CA12: variants seen among roughly 807,000 people sequenced by gnomAD.
CA12 encodes carbonic anhydrase 12.
A neutral mutation model predicts 46.8 loss-of-function variants in CA12; 36 were observed. The observed-to-expected ratio is 0.77, with a 90% CI of 0.59 to 1.02. The LOEUF (loss-of-function observed/expected upper bound fraction) is 1.02, where lower values mean the gene tolerates loss of function less well. Ranked by LOEUF, CA12 falls within the 50% of genes least tolerant of loss-of-function variation. CA12 has a pLI of 0.00. For synonymous variants in CA12, 202 were observed against 187.0 expected (o/e 1.08, Z -0.65); for missense variants, 436 against 451.4 (o/e 0.97, Z 0.31).
chr15:63,341,988 TA>T lies in CA12; in HGVS notation c.525+13del. The T allele has an allele frequency of 6.3e-7, 1 of 1,592,320 alleles. No individual in the cohort carries two copies. Among genetic ancestry groups the T allele is most frequent in the Admixed American group, 1.7e-5 (1 of 59,942 alleles). Reference sequence around the variant, plus strand: ...CTTCAAATTTCACCTAAGAACCTTTTAAATATCTCTTACCTCAATGAGAACA... The same window carrying T: ...CTTCAAATTTCACCTAAGAACCTTTTAATATCTCTTACCTCAATGAGAACA... On this transcript the variant is annotated intron_variant, in intron 5 of 10. Transcript: ENST00000178638. This position sits in a 1 kb window ranked among gnomAD's most constrained non-coding sequence, Gnocchi z 5.2.
At chr15:63,326,903 AG>A (rs1310775731) in intron 10 of CA12, among the ~76,000 whole-genome samples, 7 of 152,248 alleles carry the variant, frequency 4.6e-5, no homozygotes, top group African/African-American at 1.7e-4. Flanking sequence ...ATGCAATAGC[AG>A]CAAGCAAGGC....
intron 2 of CA12, among the ~76,000 whole-genome samples, chr15:63,371,582 G>A (rs1329936026): frequency 1.3e-5 from 2 of 152,222 alleles, no homozygotes; most frequent in Non-Finnish European, 1.5e-5. Flanking sequence ...ATAGGGGTTG[G>A]CGCACCCTCC....
Position 63,373,917 on chromosome 15 carries a change from T to C in CA12, c.106+1741A>G, listed in dbSNP as rs1161271504. ...TGCCCAAGGGGCCCTGTGGCCCAGATTCTGCGATTCTTACTTTGTCAGTTC... is the reference window on the plus strand; with the variant it reads ...TGCCCAAGGGGCCCTGTGGCCCAGACTCTGCGATTCTTACTTTGTCAGTTC... On this transcript the variant is annotated intron_variant, in intron 2 of 10. Coordinates refer to ENST00000178638, the MANE Select transcript of CA12 (RefSeq NM_001218.5). The surrounding 1 kb of genome is among the most constrained non-coding windows in gnomAD (Gnocchi z 4.9). 6.6e-6 allele frequency among the ~76,000 whole-genome samples: 1 copy of C among 152,216 alleles called. No individual in the cohort carries two copies. Among genetic ancestry groups the C allele is most frequent in the Non-Finnish European group, 1.5e-5 (1 of 68,032 alleles).
At chr15:63,352,677 GCC>G (rs2039248093) in intron 2 of CA12, among the ~76,000 whole-genome samples, 1 of 152,078 alleles carries the variant, frequency 6.6e-6, no homozygotes, top group South Asian at 2.1e-4. Context: ...ATCAAAACTT[GCC>G]CCAAAGGATA....
Position 63,340,844 on chromosome 15 carries a change from A to G in CA12, c.526-61T>C. Reference sequence around the variant, plus strand: ...AACAGGATAGGCTGAGCCAGGATTGACGATTGCTATCAGAAGGGCAAAGCT... The same window carrying G: ...AACAGGATAGGCTGAGCCAGGATTGGCGATTGCTATCAGAAGGGCAAAGCT... On this transcript the variant is annotated intron_variant, in intron 5 of 10. Transcript: ENST00000178638. The surrounding 1 kb of genome is among the most constrained non-coding windows in gnomAD (Gnocchi z 4.4). The G allele has an allele frequency of 6.8e-7, 1 of 1,465,996 alleles. No individual in the cohort carries two copies. The highest frequency in any genetic ancestry group is 1.1e-5 in the South Asian group (1 of 87,748). 90.8% of individuals were successfully genotyped at this position (1,465,996 alleles called of 1,614,324 possible). A position where few individuals can be genotyped will look rare whatever the true frequency, so the allele number is the denominator to read the frequency against.
At chr15:63,349,995 T>G (rs1467178067) in intron 2 of CA12, among the ~76,000 whole-genome samples, 1 of 152,182 alleles carries the variant, frequency 6.6e-6, no homozygotes, top group Non-Finnish European at 1.5e-5. Flanking sequence ...TGTACCCTCC[T>G]AGCTTTCTAG....
chr15:63,324,616 T>A lies in CA12; in HGVS notation c.*1669A>T, dbSNP rs991091891. ...AGCTCCCATTAGGTCACTTGTAACT[T>A]TGCCTAGCAAAACAGGCTCCCAAGA... On this transcript the variant is annotated 3_prime_UTR_variant, in exon 11 of 11. Coordinates refer to ENST00000178638, the MANE Select transcript of CA12 (RefSeq NM_001218.5). The A allele has an allele frequency of 3.3e-5, 5 of 152,190 alleles. No individual in the cohort carries two copies. The East Asian group carries it at 9.6e-4, about 29-fold the overall frequency. 9.4% of individuals were successfully genotyped at this position (152,190 alleles called of 1,614,324 possible).
intron 1 of CA12, among the ~76,000 whole-genome samples, chr15:63,381,329 A>G (rs1361600341): frequency 1.3e-5 from 2 of 152,128 alleles, no homozygotes; most frequent in Admixed American, 6.5e-5. Context: ...GCTGTTTTAA[A>G]TCTTGGCTTT....
intron 2 of CA12, among the ~76,000 whole-genome samples, chr15:63,366,970 G>A (rs1299580588): frequency 6.6e-6 from 1 of 152,150 alleles, no homozygotes; most frequent in Non-Finnish European, 1.5e-5. Context: ...CGCCCAGACT[G>A]GAGTGCAGTG....
At chr15:63,364,177 C>CA (rs200059135) in intron 2 of CA12, among the ~76,000 whole-genome samples, 10 of 147,856 alleles carry the variant, frequency 6.8e-5, no homozygotes, top group South Asian at 2.2e-4. Context: ...AACTCTGTCT[C>CA]AAAAAAAAAG....
intron 2 of CA12, among the ~76,000 whole-genome samples, chr15:63,361,203 C>T (rs962367056): frequency 2.6e-5 from 4 of 152,208 alleles, no homozygotes; most frequent in Non-Finnish European, 5.9e-5. Flanking sequence ...TAGCCCCCAA[C>T]GGAGCAGTCC....
intron 2 of CA12, among the ~76,000 whole-genome samples, chr15:63,351,957 T>G (rs2152620210): frequency 6.6e-6 from 1 of 152,370 alleles, no homozygotes; most frequent in Admixed American, 6.5e-5. Context: ...GAGGGTTTTT[T>G]TAAGCTCATT....
In CA12 at chr15:63,378,327, G is replaced by A. The variant is rs1318961670; in HGVS notation, c.86-2649C>T. Among the ~76,000 whole-genome samples, 1 of 152,166 alleles carries A rather than the reference G, an allele frequency of 6.6e-6. No homozygotes were observed. The highest frequency in any genetic ancestry group is 1.5e-5 in the Non-Finnish European group (1 of 68,038). On this transcript the variant is annotated intron_variant, in intron 1 of 10. Transcript: ENST00000178638. This position sits in a 1 kb window ranked among gnomAD's most constrained non-coding sequence, Gnocchi z 4.8. ...TGCTTGAACCCGGGAGGCGGAGGTT[G>A]CAGTGAGCTGAGATTGTGCCATTGC...
intron 2 of CA12, among the ~76,000 whole-genome samples, chr15:63,351,122 G>A (rs961861571): frequency 1.3e-5 from 2 of 152,198 alleles, no homozygotes; most frequent in African/African-American, 2.4e-5. Context: ...ATTGCAATTA[G>A]AGGATGTGTT....
At chr15:63,369,277 C>G (rs2039471687) in intron 2 of CA12, among the ~76,000 whole-genome samples, 1 of 152,212 alleles carries the variant, frequency 6.6e-6, no homozygotes, top group Non-Finnish European at 1.5e-5. Flanking sequence ...CCCTTCCTAA[C>G]AAAAATAGAG....
At position 63,355,831 on chromosome 15, in the gene CA12, T is replaced by G. The variant is rs1595786033; in HGVS notation, c.107-9122A>C. On this transcript the variant is annotated intron_variant, in intron 2 of 10. Coordinates refer to ENST00000178638, the MANE Select transcript of CA12 (RefSeq NM_001218.5). This position sits in a 1 kb window ranked among gnomAD's most constrained non-coding sequence, Gnocchi z 4.1. Reference sequence around the variant, plus strand: ...GGAATCGTGCTAGATGTGAAAGTGTTAAGTCCACAGCCCTGTAGCCACCGC... The same window carrying G: ...GGAATCGTGCTAGATGTGAAAGTGTGAAGTCCACAGCCCTGTAGCCACCGC... Among the ~76,000 whole-genome samples the G allele has an allele frequency of 2.6e-5, 4 of 152,294 alleles. 1 individual carries two copies. The highest frequency in any genetic ancestry group is 2.6e-4 in the Admixed American group (4 of 15,302).
At position 63,355,706 on chromosome 15, in the gene CA12, A is replaced by G. The variant is rs1356008181; in HGVS notation, c.107-8997T>C. Among the ~76,000 whole-genome samples, 7 of 152,120 alleles carry G rather than the reference A, an allele frequency of 4.6e-5. No homozygotes were observed. The highest frequency in any genetic ancestry group is 1.7e-4 in the African/African-American group (7 of 41,360). Reference sequence around the variant, plus strand: ...AAGTTAAACAAACTGCTGACATGCTAACAACCTAACCCCTATCATGAAAAC... The same window carrying G: ...AAGTTAAACAAACTGCTGACATGCTGACAACCTAACCCCTATCATGAAAAC... On this transcript the variant is annotated intron_variant, in intron 2 of 10. Transcript: ENST00000178638. This position sits in a 1 kb window ranked among gnomAD's most constrained non-coding sequence, Gnocchi z 4.1.
chr15:63,380,475 A>G (rs375124565), intron 1 of CA12, among the ~76,000 whole-genome samples: 111 of 152,288 alleles, frequency 7.3e-4, no homozygotes, highest in African/African-American at 2.6e-3. Flanking sequence ...TTCCAGGGAA[A>G]CTTTGGTCTC....
rs1009791179 is a variant in CA12 at position 63,340,579 on chromosome 15, A to G, written c.590-134T>C. Reference sequence around the variant, plus strand: ...TCATCTAACCCCAGGACCTGGTTGCAACATTGTTCAACAACCTGCTGCTCT... The same window carrying G: ...TCATCTAACCCCAGGACCTGGTTGCGACATTGTTCAACAACCTGCTGCTCT... On this transcript the variant is annotated intron_variant, in intron 6 of 10. Transcript: ENST00000178638. The surrounding 1 kb of genome is among the most constrained non-coding windows in gnomAD (Gnocchi z 4.4). 3.6e-6 allele frequency: 5 copies of G among 1,382,750 alleles called. No homozygotes were observed. The African/African-American group carries it at 7.1e-5, about 20-fold the overall frequency. The allele number at this position is 1,382,750 out of a possible 1,614,324, so 85.7% of individuals were successfully genotyped here.
Sources: allele counts gnomAD v4.1 joint callset (sites outside exome capture counted in the v4.1 genomes callset), GRCh38; gene constraint gnomAD v4.1.1; non-coding constraint Gnocchi (gnomAD v3.1); transcripts MANE v1.5; gene names NCBI Gene and HGNC (gene_info 2026-07-23, HGNC 2026-07-21).